The following PHKA1 variants were observed in gnomAD, a reference collection of about 807,000 sequenced individuals.
PHKA1 encodes the protein phosphorylase b kinase regulatory subunit alpha, skeletal muscle isoform.
Under a neutral mutation model 110.2 loss-of-function variants are expected in PHKA1, and 60 were observed. That is an observed-to-expected ratio of 0.54 (90% CI 0.44 to 0.68). PHKA1 has a LOEUF of 0.68. Among genes scored for constraint, PHKA1 ranks in the 30% least tolerant of loss-of-function variants. The probability of loss-of-function intolerance (pLI) is 0.00; values close to 1 mark genes in which losing one functional copy is unlikely to be tolerated. For synonymous variants in PHKA1, 316 were observed against 333.6 expected (o/e 0.95, Z 0.58); for missense variants, 801 against 942.5 (o/e 0.85, Z 1.97).
rs781962881 is a variant in PHKA1, at chrX:72,656,084, A to G, written c.1041+36T>C. 9.1e-6 allele frequency: 11 copies of G among 1,203,659 alleles called. 1 individual carries two copies. Among genetic ancestry groups the G allele is most frequent in the Middle Eastern group, 2.3e-4 (1 of 4,332 alleles). ...ATTAGCTGTAAGAAGATATAACAAA[A>G]ACATTCTGCTGAAAACTCTTTCCCC... On this transcript the variant is annotated intron_variant, in intron 10 of 31. Transcript: ENST00000373542.
intron 16 of PHKA1, among the ~76,000 whole-genome samples, chrX:72,627,879 T>G (rs1387908861): frequency 9.7e-6 from 1 of 103,372 alleles, no homozygotes; most frequent in Non-Finnish European, 2.0e-5. Flanking sequence ...GTGCAATGGC[T>G]TGATCTCGGC....
At chrX:72,661,743 C>CAAAAAAAAAAA (rs782779792) in intron 8 of PHKA1, among the ~76,000 whole-genome samples, 6 of 33,099 alleles carry the variant, frequency 1.8e-4, no homozygotes, top group Admixed American at 3.7e-4. Context: ...AATGTACTGA[C>CAAAAAAAAAAA]AAAAAAAAAA....
chrX:72,638,716 G>A (rs1298140031), intron 14 of PHKA1, among the ~76,000 whole-genome samples: 2 of 111,590 alleles, frequency 1.8e-5, no homozygotes, highest in African/African-American at 3.3e-5. Flanking sequence ...CTCCTAAGGT[G>A]TAGTCCATTC....
chrX:72,630,265 G>A (rs1461752548), intron 16 of PHKA1, among the ~76,000 whole-genome samples: 2 of 83,369 alleles, frequency 2.4e-5, no homozygotes, highest in African/African-American at 4.5e-5. Context: ...AAAAGAAAAA[G>A]AAAAAGAAAA....
chrX:72,701,705 C>G (rs1242440228), intron 3 of PHKA1, among the ~76,000 whole-genome samples: 1 of 111,508 alleles, frequency 9.0e-6, no homozygotes, highest in Non-Finnish European at 1.9e-5. Flanking sequence ...GGTGACAGAG[C>G]AAGACTCCAT....
In PHKA1 at chrX:72,660,528, GAC is replaced by G. The variant is rs1385194145; in HGVS notation, c.865-2889_865-2888del. ...ACAATCCCAGATGAGTATAGAATTG[GAC>G]CATAACAGCCCAATGTTCCTGTTGG... On this transcript the variant is annotated intron_variant, in intron 8 of 31. Coordinates refer to ENST00000373542, the MANE Select transcript of PHKA1 (RefSeq NM_002637.4). 7.5e-6 allele frequency: 3 copies of G among 401,124 alleles called. No individual in the cohort carries two copies. The African/African-American group carries it at 7.8e-5, about 10-fold the overall frequency. The allele number at this position is 401,124 out of a possible 1,213,427, so 33.1% of individuals were successfully genotyped here. A position where few individuals can be genotyped will look rare whatever the true frequency, so the allele number is the denominator to read the frequency against.
intron 2 of PHKA1, 140 bp downstream of exon 2, chrX:72,712,639 T>C: frequency 1.7e-6 from 1 of 571,621 alleles, no homozygotes; most frequent in Non-Finnish European, 3.0e-6. Flanking sequence ...GAATATAATT[T>C]CAGAAAGATG....
intron 3 of PHKA1, among the ~76,000 whole-genome samples, chrX:72,696,282 G>A (rs1225952281): frequency 1.8e-5 from 2 of 111,873 alleles, no homozygotes; most frequent in East Asian, 2.8e-4. Flanking sequence ...TAGAAATTTC[G>A]AAGTAAATTA....
chrX:72,699,555 G>GAAA (rs1556328762), intron 3 of PHKA1, among the ~76,000 whole-genome samples: 1 of 90,758 alleles, frequency 1.1e-5, no homozygotes, highest in Non-Finnish European at 2.2e-5. Context: ...GGACAAACCA[G>GAAA]AAAGTCCAAA....
chrX:72,602,689 C>T (rs1556245130), intron 26 of PHKA1, among the ~76,000 whole-genome samples: 1 of 111,841 alleles, frequency 8.9e-6, no homozygotes, highest in Non-Finnish European at 1.9e-5. Context: ...ACCAAAACCA[C>T]AAATGTAGGT....
intron 29 of PHKA1, among the ~76,000 whole-genome samples, chrX:72,587,647 A>G (rs1335513094): frequency 4.5e-5 from 5 of 111,700 alleles, no homozygotes; most frequent in African/African-American, 1.6e-4. Context: ...CAAAATGGAT[A>G]AAGAGTCAAG....
At chrX:72,712,652 G>A (rs1392627020) in intron 2 of PHKA1, 127 bp downstream of exon 2, 1 of 603,000 alleles carries the variant, frequency 1.7e-6, no homozygotes, top group Non-Finnish European at 2.8e-6. Context: ...GAAAGATGAT[G>A]AAAGAGGGAA....
At chrX:72,632,372 TATC>T (rs1556288842) in intron 16 of PHKA1, among the ~76,000 whole-genome samples, 1 of 111,944 alleles carries the variant, frequency 8.9e-6, no homozygotes, top group East Asian at 2.8e-4. Flanking sequence ...ATATATGTTA[TATC>T]ATGTTGGTGT....
At chrX:72,702,455 A>G (rs1158049945) in intron 3 of PHKA1, among the ~76,000 whole-genome samples, 2 of 111,752 alleles carry the variant, frequency 1.8e-5, no homozygotes, top group Non-Finnish European at 3.8e-5. Flanking sequence ...ATCTCAAAAA[A>G]CAACAGTAAC....
chrX:72,681,298 C>T (rs1556314904), intron 5 of PHKA1, among the ~76,000 whole-genome samples: 1 of 107,020 alleles, frequency 9.3e-6, no homozygotes, highest in African/African-American at 3.3e-5. Flanking sequence ...GCAACCACCC[C>T]GTCTGAGAAG....
chrX:72,690,387 T>C (rs2054020740), intron 4 of PHKA1, among the ~76,000 whole-genome samples: 1 of 111,442 alleles, frequency 9.0e-6, no homozygotes, highest in Non-Finnish European at 1.9e-5. Context: ...ACCCCTAATA[T>C]GACTATATTT....
chrX:72,635,583 A>C (rs1411835626), intron 15 of PHKA1, among the ~76,000 whole-genome samples: 1 of 111,864 alleles, frequency 8.9e-6, no homozygotes, highest in African/African-American at 3.2e-5. Context: ...AATAGATGAA[A>C]AATAAGGCTA....
At chrX:72,618,472 C>T (rs1556272079) in intron 21 of PHKA1, among the ~76,000 whole-genome samples, 1 of 111,680 alleles carries the variant, frequency 9.0e-6, no homozygotes, top group East Asian at 2.8e-4. Context: ...ATGTGCCAGG[C>T]ATTGTATTAG....
At chrX:72,672,534 T>C (rs1447937114) in intron 6 of PHKA1, among the ~76,000 whole-genome samples, 3 of 111,361 alleles carry the variant, frequency 2.7e-5, no homozygotes, top group African/African-American at 9.8e-5. Context: ...ACCAGTCCCA[T>C]TCCCATGATA....
Sources: allele counts gnomAD v4.1 joint callset (sites outside exome capture counted in the v4.1 genomes callset), GRCh38; gene constraint gnomAD v4.1.1; transcripts MANE v1.5; gene names NCBI Gene and HGNC (gene_info 2026-07-23, HGNC 2026-07-21).